PRELID2: variants seen among roughly 807,000 people sequenced by gnomAD.
The protein encoded by PRELID2 is PRELI domain-containing protein 2.
In PRELID2, 25 loss-of-function variants were observed where a neutral mutation model predicts 28.4. The ratio of observed to expected loss-of-function variants is 0.88; its 90% CI spans 0.64 to 1.23. The LOEUF (loss-of-function observed/expected upper bound fraction) is 1.23, where lower values mean the gene tolerates loss of function less well. PRELID2 is among the 50% of genes most tolerant of loss of function. The pLI is 0.00. For synonymous variants in PRELID2, 76 were observed against 71.6 expected, an observed-to-expected ratio of 1.06 and a Z score of -0.31; for missense variants, 201 against 214.4, an observed-to-expected ratio of 0.94 and a Z score of 0.39.
chr5:145,466,536 C>G, the PRELID2 span, among the ~76,000 whole-genome samples: 3 of 152,184 alleles, frequency 2.0e-5, no homozygotes, highest in Non-Finnish European at 4.4e-5. Flanking sequence ...ATATATCTAT[C>G]TATAACTATG....
At chr5:145,446,609 A>C in the PRELID2 span, among the ~76,000 whole-genome samples, 1 of 152,150 alleles carries the variant, frequency 6.6e-6, no homozygotes, top group Non-Finnish European at 1.5e-5. Flanking sequence ...AGAACTGGCA[A>C]TTTGCCAATC....
chr5:145,230,255 G>A, the PRELID2 span, among the ~76,000 whole-genome samples: 7 of 152,176 alleles, frequency 4.6e-5, no homozygotes, highest in East Asian at 1.9e-4. Context: ...GGGAAGCTGC[G>A]GTGGAGAGCT....
chr5:145,630,645 C>T (rs922892972), intron 1 of PRELID2, among the ~76,000 whole-genome samples: 2 of 152,134 alleles, frequency 1.3e-5, no homozygotes, highest in Non-Finnish European at 2.9e-5. Context: ...GGATGCAAGA[C>T]CTTCTAAAAG....
In PRELID2 at chr5:145,660,802, A is replaced by G. The variant is rs574877745; in HGVS notation, n.70+104129T>C. On this transcript the variant is annotated intron_variant and non_coding_transcript_variant, in intron 1 of 2. Transcript: ENST00000510259. ...ATACGAAAGAAGATATCAAAAATGC[A>G]TCTGAAGAGTTTGAATAAAATTGTC... Among the ~76,000 whole-genome samples the G allele has an allele frequency of 8.3e-4, 126 of 152,360 alleles. 1 individual carries two copies. Among genetic ancestry groups the G allele is most frequent in the African/African-American group, 2.9e-3 (121 of 41,592 alleles).
At chr5:145,381,441 A>C in the PRELID2 span, 1 of 152,188 alleles carries the variant, frequency 6.6e-6, no homozygotes, top group Non-Finnish European at 1.5e-5. Context: ...CAAAAACCAC[A>C]ATTAGTTTTT....
the PRELID2 span, among the ~76,000 whole-genome samples, chr5:145,322,935 C>T: frequency 6.6e-6 from 1 of 151,950 alleles, no homozygotes; most frequent in Non-Finnish European, 1.5e-5. Flanking sequence ...GAGCCGAGAT[C>T]GCACCACTGC....
chr5:145,739,926 A>G (rs1157879088), intron 1 of PRELID2, among the ~76,000 whole-genome samples: 1 of 146,856 alleles, frequency 6.8e-6, no homozygotes, highest in Admixed American at 7.0e-5. Context: ...TAAAAAAGAA[A>G]GAAAACAAAG....
At chr5:145,299,905 T>C in the PRELID2 span, among the ~76,000 whole-genome samples, 1 of 152,108 alleles carries the variant, frequency 6.6e-6, no homozygotes, top group African/African-American at 2.4e-5. Flanking sequence ...AAAGACAGGA[T>C]AGATACATGA....
At chr5:145,767,989 G>A (rs2149776024) in intron 5 of PRELID2, among the ~76,000 whole-genome samples, 1 of 152,216 alleles carries the variant, frequency 6.6e-6, no homozygotes, top group African/African-American at 2.4e-5. Context: ...TACTTTGGGA[G>A]GCCGAGGCAG....
At chr5:145,512,617 C>T (rs1336689678) in intron 1 of PRELID2, among the ~76,000 whole-genome samples, 1 of 152,216 alleles carries the variant, frequency 6.6e-6, no homozygotes, top group Admixed American at 6.5e-5. Context: ...GATGTCCCAG[C>T]ACAGTGCTCT....
the PRELID2 span, among the ~76,000 whole-genome samples, chr5:145,304,682 T>G: frequency 6.6e-6 from 1 of 152,144 alleles, no homozygotes; most frequent in Non-Finnish European, 1.5e-5. Flanking sequence ...CCCATTTTTT[T>G]CAACAATATT....
intron 1 of PRELID2, among the ~76,000 whole-genome samples, chr5:145,568,024 G>A (rs889505780): frequency 6.6e-6 from 1 of 152,144 alleles, no homozygotes; most frequent in African/African-American, 2.4e-5. Flanking sequence ...ACGATACTGG[G>A]CCTTCTCCTT....
At position 145,491,702 on chromosome 5, in the gene PRELID2, C is replaced by A. The variant is rs555574787; in HGVS notation, n.71-18387G>T. ...ATCATTTGACAAATATCTCTGTAAC[C>A]CCCCCAGTACCCCCTGACCCTGGTA... On this transcript the variant is annotated intron_variant and non_coding_transcript_variant, in intron 1 of 2. Transcript: ENST00000510259. 4.2e-4 allele frequency among the ~76,000 whole-genome samples: 64 copies of A among 151,268 alleles called. 2 individuals are homozygous for A. The South Asian group carries it at 0.013, about 31-fold the overall frequency.
the PRELID2 span, among the ~76,000 whole-genome samples, chr5:145,398,586 T>C: frequency 1.3e-5 from 2 of 152,038 alleles, no homozygotes; most frequent in African/African-American, 2.4e-5. Flanking sequence ...TCCACAGGAC[T>C]CTTAGTTTAT....
chr5:145,794,829 GA>G (rs1423579821), intron 5 of PRELID2, among the ~76,000 whole-genome samples: 1 of 152,018 alleles, frequency 6.6e-6, no homozygotes, highest in Non-Finnish European at 1.5e-5. Context: ...CAGATTAATT[GA>G]TGCATCAAAT....
At chr5:145,628,494 T>G (rs550760029) in intron 1 of PRELID2, among the ~76,000 whole-genome samples, 21 of 152,174 alleles carry the variant, frequency 1.4e-4, no homozygotes, top group African/African-American at 4.3e-4. Context: ...TGGCGAATTT[T>G]TGTATTTTTA....
intron 1 of PRELID2, among the ~76,000 whole-genome samples, chr5:145,531,262 T>C (rs1393094450): frequency 6.6e-6 from 1 of 152,144 alleles, no homozygotes. Context: ...TGAGTTGTTA[T>C]GCTGTGTCTC....
the PRELID2 span, among the ~76,000 whole-genome samples, chr5:145,460,042 C>T: frequency 6.6e-6 from 1 of 152,120 alleles, no homozygotes; most frequent in African/African-American, 2.4e-5. Context: ...AACTCCTGAC[C>T]TCGTGATCCT....
chr5:145,254,943 A>C, the PRELID2 span, among the ~76,000 whole-genome samples: 36,535 of 151,256 alleles, frequency 0.24, 5,434 homozygotes, highest in Non-Finnish European at 0.31. Context: ...GACTCCACCC[A>C]CAATTAATTT....
Sources: gnomAD v4.1 joint callset for allele counts (sites outside exome capture counted in the v4.1 genomes callset) on GRCh38, gnomAD v4.1.1 for gene constraint, MANE v1.5 for transcripts, NCBI Gene and HGNC (gene_info 2026-07-23, HGNC 2026-07-21) for gene names.